ARHGEF3: variants seen among roughly 807,000 people sequenced by gnomAD.
ARHGEF3 encodes 59.8 kDA protein.
ARHGEF3 carries 28 observed loss-of-function variants against 63.2 expected under a neutral mutation model. The ratio of observed to expected loss-of-function variants is 0.44; its 90% CI spans 0.33 to 0.61. The LOEUF is 0.61. ARHGEF3 is among the 20% of genes least tolerant of loss of function. The pLI is 0.03. For synonymous variants in ARHGEF3, 266 were observed against 254.2 expected, an observed-to-expected ratio of 1.05 and a Z score of -0.44; for missense variants, 533 against 659.3, an observed-to-expected ratio of 0.81 and a Z score of 2.10.
intron 2 of ARHGEF3, among the ~76,000 whole-genome samples, chr3:56,765,104 T>G (rs1015607256): frequency 6.6e-6 from 1 of 152,104 alleles, no homozygotes. Flanking sequence ...AACAGTAATA[T>G]TCTACCACTC....
At chr3:57,076,384 G>A (rs571486907) in intron 1 of ARHGEF3, among the ~76,000 whole-genome samples, 2 of 152,310 alleles carry the variant, frequency 1.3e-5, no homozygotes, top group South Asian at 4.1e-4. Context: ...GAACTTTAGA[G>A]ATGGATATTG....
At chr3:57,006,449 C>G (rs969015152) in intron 2 of ARHGEF3, among the ~76,000 whole-genome samples, 16 of 152,164 alleles carry the variant, frequency 1.1e-4, no homozygotes, top group Non-Finnish European at 2.4e-4. Context: ...AGGCGGAGCT[C>G]CCCGCTCCGA....
chr3:56,762,254 G>A (rs2035462841), intron 2 of ARHGEF3, among the ~76,000 whole-genome samples: 2 of 152,194 alleles, frequency 1.3e-5, no homozygotes, highest in Admixed American at 6.5e-5. Flanking sequence ...CTCCCTGGGT[G>A]TGGGGATGCT....
At chr3:57,041,460 C>A (rs1257365473) in intron 1 of ARHGEF3, among the ~76,000 whole-genome samples, 3 of 152,224 alleles carry the variant, frequency 2.0e-5, no homozygotes, top group African/African-American at 7.2e-5. Flanking sequence ...AGACCCCACT[C>A]TGCTTCCATA....
chr3:56,779,475 AGT>A, intron 1 of ARHGEF3, among the ~76,000 whole-genome samples: 1 of 151,560 alleles, frequency 6.6e-6, no homozygotes, highest in Admixed American at 6.5e-5. Context: ...CAAAATAAAA[AGT>A]TTTTTTTTAT....
intron 4 of ARHGEF3, among the ~76,000 whole-genome samples, chr3:56,858,534 T>C (rs1266965460): frequency 6.6e-6 from 1 of 152,166 alleles, no homozygotes; most frequent in Non-Finnish European, 1.5e-5. Flanking sequence ...CTTGTGGGTT[T>C]ACCTTCTGGT....
At chr3:56,944,426 A>G (rs1699359498) in intron 3 of ARHGEF3, among the ~76,000 whole-genome samples, 1 of 152,178 alleles carries the variant, frequency 6.6e-6, no homozygotes, top group Non-Finnish European at 1.5e-5. Context: ...CCGTGTTGGA[A>G]GTCACTGCAG....
At chr3:57,074,209 G>C in intron 1 of ARHGEF3, 1 of 1,614,082 alleles carries the variant, frequency 6.2e-7, no homozygotes. Context: ...ACTGAGGGCT[G>C]CTTTGTCAGG....
In ARHGEF3 at chr3:56,862,980, G is replaced by A. The variant is rs114093551; in HGVS notation, c.192+19312C>T. ...TAAAAAGGCAACCTAATTAAAGACC[G>A]GTCTTGTTTGCCATAAATGAAATGT... On this transcript the variant is annotated intron_variant, in intron 4 of 12. Coordinates refer to the ARHGEF3 transcript ENST00000338458. Among the ~76,000 whole-genome samples, 608 of 152,104 alleles carry A rather than the reference G, an allele frequency of 4.0e-3. 8 individuals are homozygous for A. Among genetic ancestry groups the A allele is most frequent in the African/African-American group, 0.014 (563 of 41,496 alleles).
chr3:56,741,623 C>A (rs1430389847), intron 7 of ARHGEF3, among the ~76,000 whole-genome samples: 1 of 150,658 alleles, frequency 6.6e-6, no homozygotes, highest in African/African-American at 2.4e-5. Context: ...CCTGCCTCAG[C>A]CTCCCAAGTA....
intron 2 of ARHGEF3, among the ~76,000 whole-genome samples, chr3:57,027,789 G>A (rs1703536107): frequency 1.3e-5 from 2 of 152,092 alleles, no homozygotes; most frequent in Non-Finnish European, 2.9e-5. Context: ...AACCTGGGAG[G>A]TGGAGGTTGC....
At chr3:56,837,592 C>CA (rs1452488731) in intron 4 of ARHGEF3, among the ~76,000 whole-genome samples, 2 of 152,084 alleles carry the variant, frequency 1.3e-5, no homozygotes, top group Admixed American at 6.5e-5. Context: ...AGCTGGAGGG[C>CA]AAAAAATGTT....
intron 7 of ARHGEF3, among the ~76,000 whole-genome samples, chr3:56,740,474 T>C (rs1490410924): frequency 2.0e-5 from 3 of 152,216 alleles, no homozygotes; most frequent in Non-Finnish European, 2.9e-5. Context: ...AAATGAATGA[T>C]TATTCACTGT....
chr3:56,754,856 G>A (rs2034972959), intron 3 of ARHGEF3, 125 bp downstream of exon 3: 8 of 1,316,262 alleles, frequency 6.1e-6, no homozygotes, highest in Middle Eastern at 1.9e-4. Context: ...AGACACTCTT[G>A]TTTATCCTTC....
intron 1 of ARHGEF3, chr3:57,078,979 G>C: frequency 3.0e-6 from 1 of 330,304 alleles, no homozygotes; most frequent in Non-Finnish European, 5.5e-6. Flanking sequence ...GCTGCGCCCA[G>C]TGCGCCCCCG....
rs547593707 is a variant in ARHGEF3 at position 57,049,599 on chromosome 3, C to T, written c.-27-14423G>A. The stretch of plus-strand genomic sequence containing the variant: ...GAATGTTCTAAGCAGCTGAGTTCAC[C>T]TGGGGAATTGCTCAGAAATGCAGAT... On this transcript the variant is annotated intron_variant, in intron 1 of 12. Coordinates refer to the ARHGEF3 transcript ENST00000338458. 4.7e-4 allele frequency among the ~76,000 whole-genome samples: 72 copies of T among 152,272 alleles called. 1 individual carries two copies. Among genetic ancestry groups the T allele is most frequent in the African/African-American group, 1.6e-3 (65 of 41,552 alleles).
intron 3 of ARHGEF3, among the ~76,000 whole-genome samples, chr3:56,944,082 A>C (rs2108432841): frequency 6.6e-6 from 1 of 152,238 alleles, no homozygotes; most frequent in Admixed American, 6.5e-5. Context: ...CGGCTGAGGC[A>C]GAATTGCTTG....
chr3:56,802,734 A>T (rs2037720034), upstream of ARHGEF3, among the ~76,000 whole-genome samples: 1 of 152,168 alleles, frequency 6.6e-6, no homozygotes, highest in Admixed American at 6.5e-5. Context: ...ACCTTTCTGG[A>T]TCCTTTTTGG....
chr3:56,743,053 G>A (rs1293873763), intron 7 of ARHGEF3, among the ~76,000 whole-genome samples: 1 of 152,046 alleles, frequency 6.6e-6, no homozygotes, highest in East Asian at 1.9e-4. Flanking sequence ...TTTTATTCCT[G>A]CAGACCACAC....
Sources: allele counts gnomAD v4.1 joint callset (sites outside exome capture counted in the v4.1 genomes callset), GRCh38; gene constraint gnomAD v4.1.1; transcripts MANE v1.5; gene names NCBI Gene and HGNC (gene_info 2026-07-23, HGNC 2026-07-21).